ARSK: variants seen among roughly 807,000 people sequenced by gnomAD.
The protein encoded by ARSK is arylsulfatase family member K, also known as arylsulfatase K.
ARSK carries 37 observed loss-of-function variants against 53.2 expected under a neutral mutation model. That is an observed-to-expected ratio of 0.70 (90% CI 0.54 to 0.92). ARSK has a LOEUF of 0.92. Among genes scored for constraint, ARSK ranks in the 40% least tolerant of loss-of-function variants. The pLI, the probability that ARSK is intolerant of heterozygous loss-of-function variation, is 0.00. For missense variants in ARSK, 613 were observed against 643.0 expected, an observed-to-expected ratio of 0.95 and a Z score of 0.51; for synonymous variants, 208 against 223.2, an observed-to-expected ratio of 0.93 and a Z score of 0.61.
intron 3 of ARSK, chr5:95,581,058 C>A: frequency 2.0e-6 from 1 of 492,826 alleles, no homozygotes; most frequent in Non-Finnish European, 3.2e-6. Context: ...ATGCTAAAGC[C>A]ATGCTTATGA....
At chr5:95,561,804 C>T (rs541935725) in intron 1 of ARSK, among the ~76,000 whole-genome samples, 41 of 152,234 alleles carry the variant, frequency 2.7e-4, no homozygotes, top group Middle Eastern at 3.4e-3. Context: ...ATTCTAAAAT[C>T]GACTATGGTA....
chr5:95,583,597 A>G lies in ARSK; in HGVS notation c.699+399A>G, dbSNP rs574404687. Among the ~76,000 whole-genome samples the G allele has an allele frequency of 6.6e-5, 10 of 152,312 alleles. No individual in the cohort carries two copies. In the South Asian group the frequency reaches 1.2e-3, roughly 19 times the overall value. ...TAAAAACATTTATCAAAATATTTTG[A>G]ATTATGTTACTTTTTGTTAAAAATT... On this transcript the variant is annotated intron_variant, in intron 4 of 7. Coordinates refer to ENST00000380009, the MANE Select transcript of ARSK (RefSeq NM_198150.3).
Position 95,565,996 on chromosome 5 carries a change from A to G in ARSK, c.127-2A>G, listed in dbSNP as rs751588506. ...ATGCTAATTAAATTTCTTTATTTCC[A>G]GGATGGAAGGTTAACATTTCATCCA... On this transcript the variant is annotated splice_acceptor_variant, in intron 1 of 7. Transcript: ENST00000380009. LOFTEE classifies it high-confidence loss of function. The G allele has an allele frequency of 6.2e-7, 1 of 1,601,230 alleles. No homozygotes were observed. Among genetic ancestry groups the G allele is most frequent in the Non-Finnish European group, 8.5e-7 (1 of 1,176,008 alleles).
At chr5:95,556,258 G>T in intron 1 of ARSK, 2 of 701,732 alleles carry the variant, frequency 2.9e-6, no homozygotes, top group African/African-American at 1.7e-5. Flanking sequence ...GGGATTTTTT[G>T]AAAATATTAC....
chr5:95,583,563 T>C (rs796752932), intron 4 of ARSK, among the ~76,000 whole-genome samples: 4 of 152,302 alleles, frequency 2.6e-5, no homozygotes, highest in African/African-American at 9.6e-5. Flanking sequence ...GACCATTTTC[T>C]GGCACTTTTA....
chr5:95,558,081 C>T (rs1483867380), intron 1 of ARSK, among the ~76,000 whole-genome samples: 1 of 152,162 alleles, frequency 6.6e-6, no homozygotes, highest in African/African-American at 2.4e-5. Context: ...GTTATGGTAT[C>T]TCACCAAAAG....
chr5:95,601,573 T>G (rs1221022988), intron 7 of ARSK, among the ~76,000 whole-genome samples: 1 of 152,204 alleles, frequency 6.6e-6, no homozygotes, highest in African/African-American at 2.4e-5. Flanking sequence ...AAGCTGTGAC[T>G]GTAAAATTGA....
At chr5:95,575,579 G>A (rs1002027303) in intron 3 of ARSK, among the ~76,000 whole-genome samples, 3 of 152,106 alleles carry the variant, frequency 2.0e-5, no homozygotes, top group African/African-American at 7.2e-5. Flanking sequence ...TCATTGTAGA[G>A]ATCTTTTACT....
At chr5:95,579,961 T>C (rs891721031) in intron 3 of ARSK, among the ~76,000 whole-genome samples, 4 of 152,218 alleles carry the variant, frequency 2.6e-5, no homozygotes, top group African/African-American at 7.2e-5. Context: ...CTTACTGTTA[T>C]TACGACAATA....
intron 1 of ARSK, among the ~76,000 whole-genome samples, chr5:95,561,356 C>T (rs965352861): frequency 3.9e-5 from 6 of 152,132 alleles, no homozygotes; most frequent in African/African-American, 1.4e-4. Context: ...GGCAGTTTCT[C>T]GAATGGTTAA....
At position 95,591,495 on chromosome 5, in the gene ARSK, A is replaced by G. The variant is rs74542588; in HGVS notation, c.966A>G (p.Arg322=). 362 of 1,614,120 alleles carry G rather than the reference A, an allele frequency of 2.2e-4. 1 individual carries two copies. In the East Asian group the frequency reaches 7.8e-3, roughly 35 times the overall value. Residue 322 remains arginine (R), a synonymous_variant, in exon 6 of 8, where the codon CGA becomes CGG. Coordinates refer to ENST00000380009, the MANE Select transcript of ARSK (RefSeq NM_198150.3). ...ATGGAGAGCTGGCCATGGAACATCG[A>G]CAGTTTTATAAAATGAGCATGTACG... ...SDHGELAMEH[R]QFYKMSMYEA...
intron 1 of ARSK, among the ~76,000 whole-genome samples, chr5:95,565,024 C>T (rs1227335423): frequency 6.6e-6 from 1 of 152,188 alleles, no homozygotes; most frequent in Non-Finnish European, 1.5e-5. Flanking sequence ...TCTCAGCTAT[C>T]TCAAGGATTT....
At chr5:95,584,800 C>G (rs1749082777) in intron 4 of ARSK, among the ~76,000 whole-genome samples, 3 of 152,084 alleles carry the variant, frequency 2.0e-5, no homozygotes, top group Admixed American at 2.0e-4. Flanking sequence ...CACCTGAGGT[C>G]AGGAGTTCGA....
Position 95,587,316 on chromosome 5 carries a change from T to A in ARSK, c.871+583T>A, listed in dbSNP as rs76352555. 8.4e-3 allele frequency among the ~76,000 whole-genome samples: 1,282 copies of A among 152,342 alleles called. 14 individuals carry two copies. Among genetic ancestry groups the A allele is most frequent in the African/African-American group, 0.029 (1,218 of 41,566 alleles). On this transcript the variant is annotated intron_variant, in intron 5 of 7. Transcript: ENST00000380009. ...GTCAAGAACATTTTACCTGTTCACT[T>A]ATAGAGCTATGGAAGTTTCCAGTTC...
chr5:95,559,793 G>A (rs1200971362), intron 1 of ARSK, among the ~76,000 whole-genome samples: 1 of 152,202 alleles, frequency 6.6e-6, no homozygotes, highest in Non-Finnish European at 1.5e-5. Flanking sequence ...TCAGGAAGAA[G>A]ACAAGGATGT....
chr5:95,560,535 A>C (rs1748611141), intron 1 of ARSK, among the ~76,000 whole-genome samples: 1 of 152,152 alleles, frequency 6.6e-6, no homozygotes, highest in Non-Finnish European at 1.5e-5. Context: ...TCCAGAAATA[A>C]ACTCTCATAT....
At chr5:95,569,810 AC>A (rs202211436) in intron 3 of ARSK, among the ~76,000 whole-genome samples, 1,761 of 152,334 alleles carry the variant, frequency 0.012, 33 homozygotes, top group African/African-American at 0.04. Flanking sequence ...AATAATCTGA[AC>A]ATTAAAATTG....
chr5:95,597,487 A>G (rs1749329203), intron 6 of ARSK, among the ~76,000 whole-genome samples: 1 of 152,238 alleles, frequency 6.6e-6, no homozygotes, highest in African/African-American at 2.4e-5. Context: ...TATTAAAAGT[A>G]CAGAGATTGT....
chr5:95,559,421 G>A (rs1264922049), intron 1 of ARSK, among the ~76,000 whole-genome samples: 3 of 152,172 alleles, frequency 2.0e-5, no homozygotes, highest in Non-Finnish European at 4.4e-5. Flanking sequence ...CAAAGATTTG[G>A]TATCCTTGGG....
Sources: gnomAD v4.1 joint callset for allele counts (sites outside exome capture counted in the v4.1 genomes callset) on GRCh38, gnomAD v4.1.1 for gene constraint, MANE v1.5 for transcripts, NCBI Gene and HGNC (gene_info 2026-07-23, HGNC 2026-07-21) for gene names.